ERO1A: variants seen among roughly 807,000 people sequenced by gnomAD.
ERO1A encodes the protein ERO1-like protein alpha.
In ERO1A, 49 loss-of-function variants were observed where a neutral mutation model predicts 76.9. The observed-to-expected ratio is 0.64, with a 90% confidence interval of 0.51 to 0.81. The LOEUF (loss-of-function observed/expected upper bound fraction) is 0.81, where lower values mean the gene tolerates loss of function less well. Among genes scored for constraint, ERO1A ranks in the 30% least tolerant of loss-of-function variants. ERO1A has a pLI of 0.00. For synonymous variants in ERO1A, 174 were observed against 181.2 expected (o/e 0.96, Z 0.32); for missense variants, 448 against 542.1 (o/e 0.83, Z 1.72).
chr14:52,645,880 A>T (rs1181373494), intron 15 of ERO1A, among the ~76,000 whole-genome samples: 2 of 147,018 alleles, frequency 1.4e-5, no homozygotes, highest in African/African-American at 5.1e-5. Flanking sequence ...ACACACACAC[A>T]CACAAATTAG....
At chr14:52,664,067 T>C (rs1361382533) in intron 7 of ERO1A, 4 of 361,520 alleles carry the variant, frequency 1.1e-5, no homozygotes, top group South Asian at 1.2e-4. Context: ...CAGCAGGCCA[T>C]TTCCTAATCA....
At chr14:52,645,975 G>A (rs1594817759) in intron 15 of ERO1A, among the ~76,000 whole-genome samples, 179 bp downstream of exon 15, 1 of 152,050 alleles carries the variant, frequency 6.6e-6, no homozygotes, top group African/African-American at 2.4e-5. Flanking sequence ...GGTGGAGGTC[G>A]CAGTGAGCCG....
At chr14:52,647,555 TG>T (rs1309822106) in intron 13 of ERO1A, among the ~76,000 whole-genome samples, 8 of 152,268 alleles carry the variant, frequency 5.3e-5, no homozygotes, top group African/African-American at 1.9e-4. Flanking sequence ...GTTCCCTTTT[TG>T]TTTTTATGCT....
chr14:52,692,826 C>G (rs748382058), intron 1 of ERO1A, among the ~76,000 whole-genome samples: 8 of 151,744 alleles, frequency 5.3e-5, no homozygotes, highest in Non-Finnish European at 1.0e-4. Flanking sequence ...TCTTTTCCCT[C>G]TCATGCTGTT....
intron 15 of ERO1A, among the ~76,000 whole-genome samples, chr14:52,645,219 AT>A (rs1482595579): frequency 6.6e-6 from 1 of 152,094 alleles, no homozygotes; most frequent in Non-Finnish European, 1.5e-5. Context: ...CTTTTAAGCA[AT>A]TTTTAATGTA....
chr14:52,684,731 A>T (rs532215040), intron 1 of ERO1A, among the ~76,000 whole-genome samples: 1 of 152,370 alleles, frequency 6.6e-6, no homozygotes, highest in African/African-American at 2.4e-5. Flanking sequence ...AAATCAAGCT[A>T]CTAAATGCAC....
intron 1 of ERO1A, among the ~76,000 whole-genome samples, chr14:52,689,700 C>T (rs1179930576): frequency 6.6e-6 from 1 of 151,922 alleles, no homozygotes; most frequent in Non-Finnish European, 1.5e-5. Flanking sequence ...TGTTAAAAAG[C>T]CCATACCACC....
intron 1 of ERO1A, among the ~76,000 whole-genome samples, chr14:52,689,140 C>T (rs1594837124): frequency 6.6e-6 from 1 of 152,064 alleles, no homozygotes; most frequent in East Asian, 1.9e-4. Flanking sequence ...TTTTAGCAGA[C>T]ACAGGGTTTC....
At position 52,663,531 on chromosome 14, in the gene ERO1A, C is replaced by T. The variant is rs370162984; in HGVS notation, c.676+270G>A. On this transcript the variant is annotated intron_variant, in intron 8 of 15. Coordinates refer to ENST00000395686, the MANE Select transcript of ERO1A (RefSeq NM_014584.3). ...AGGAGAATGGCGTGAACCCGGGAGG[C>T]GAAGTTTGCAGTGAGCCAAAGTCAC... 1.8e-3 allele frequency among the ~76,000 whole-genome samples: 265 copies of T among 149,822 alleles called. 1 individual carries two copies. Among genetic ancestry groups the T allele is most frequent in the African/African-American group, 5.8e-3 (233 of 40,406 alleles).
intron 2 of ERO1A, among the ~76,000 whole-genome samples, chr14:52,683,439 G>A (rs2041066876): frequency 6.6e-6 from 1 of 152,124 alleles, no homozygotes; most frequent in Admixed American, 6.5e-5. Context: ...ATATAGGTCA[G>A]GATAAAGTCA....
At chr14:52,645,763 G>A (rs551210100) in intron 15 of ERO1A, among the ~76,000 whole-genome samples, 84 of 151,986 alleles carry the variant, frequency 5.5e-4, no homozygotes, top group African/African-American at 2.0e-3. Flanking sequence ...CAGCACTTCG[G>A]GAGGTGGAGC....
chr14:52,688,867 C>A (rs72684280), intron 1 of ERO1A, among the ~76,000 whole-genome samples: 15,399 of 152,282 alleles, frequency 0.1, 988 homozygotes, highest in South Asian at 0.24. Flanking sequence ...ACAACACTTT[C>A]TAAAGTTTTC....
rs558240843 is a variant in ERO1A, at chr14:52,693,407, C to T, written c.114+1961G>A. Reference sequence around the variant, plus strand: ...TACCAAACTCCAAGTTCTTCAGTTTCGGAACTCAGACTGGCTCTCCTTGCT... The same window carrying T: ...TACCAAACTCCAAGTTCTTCAGTTTTGGAACTCAGACTGGCTCTCCTTGCT... On this transcript the variant is annotated intron_variant, in intron 1 of 15. Coordinates refer to ENST00000395686, the MANE Select transcript of ERO1A (RefSeq NM_014584.3). Among the ~76,000 whole-genome samples, 22 of 152,316 alleles carry T rather than the reference C, an allele frequency of 1.4e-4. 1 individual carries two copies. The highest frequency in any genetic ancestry group is 2.1e-4 in the South Asian group (1 of 4,830).
intron 12 of ERO1A, 142 bp from the exon 13 acceptor site, chr14:52,652,450 T>C (rs1014457901): frequency 1.7e-6 from 1 of 577,172 alleles, no homozygotes; most frequent in Middle Eastern, 4.8e-4. Context: ...ATCAAATTCT[T>C]ATCCTCAAAC....
intron 11 of ERO1A, among the ~76,000 whole-genome samples, chr14:52,654,280 A>G (rs1019320201): frequency 5.9e-5 from 9 of 152,110 alleles, no homozygotes; most frequent in African/African-American, 2.2e-4. Flanking sequence ...GTCATGACTA[A>G]TAAGAATGAT....
intron 11 of ERO1A, among the ~76,000 whole-genome samples, chr14:52,657,692 A>G (rs2139664667): frequency 6.6e-6 from 1 of 152,346 alleles, no homozygotes; most frequent in South Asian, 2.1e-4. Flanking sequence ...GATATGGACA[A>G]TTTTGAGCAG....
Position 52,693,601 on chromosome 14 carries a change from C to T in ERO1A, c.114+1767G>A, listed in dbSNP as rs115742144. 5.3e-3 allele frequency among the ~76,000 whole-genome samples: 810 copies of T among 152,286 alleles called. 12 individuals carry two copies. Among genetic ancestry groups the T allele is most frequent in the African/African-American group, 0.019 (775 of 41,556 alleles). On this transcript the variant is annotated intron_variant, in intron 1 of 15. Coordinates refer to ENST00000395686, the MANE Select transcript of ERO1A (RefSeq NM_014584.3). ...AACTCCTGGGCTCACTCCATCCTGCCACCTCAGTGTCCCAAGTAGCTGAGA... is the reference window on the plus strand; with the variant it reads ...AACTCCTGGGCTCACTCCATCCTGCTACCTCAGTGTCCCAAGTAGCTGAGA...
At chr14:52,679,855 C>T (rs1425199270) in intron 3 of ERO1A, among the ~76,000 whole-genome samples, 1 of 152,010 alleles carries the variant, frequency 6.6e-6, no homozygotes, top group South Asian at 2.1e-4. Context: ...GTTAAAGACC[C>T]CAGTGGACAA....
intron 3 of ERO1A, among the ~76,000 whole-genome samples, chr14:52,679,959 C>T (rs1296244504): frequency 6.6e-6 from 1 of 151,660 alleles, no homozygotes; most frequent in Non-Finnish European, 1.5e-5. Context: ...ACTCAGGAGG[C>T]TGAGGTGAGA....
Sources: allele counts gnomAD v4.1 joint callset (sites outside exome capture counted in the v4.1 genomes callset), GRCh38; gene constraint gnomAD v4.1.1; transcripts MANE v1.5; gene names NCBI Gene and HGNC (gene_info 2026-07-23, HGNC 2026-07-21).